The following FKBP5 variants were observed in gnomAD, a reference collection of about 807,000 sequenced individuals.
The protein encoded by FKBP5 is FKBP prolyl isomerase 5, also known as peptidyl-prolyl cis-trans isomerase FKBP5.
In FKBP5, 23 loss-of-function variants were observed where a neutral mutation model predicts 50.5. The ratio of observed to expected loss-of-function variants is 0.46; its 90% CI spans 0.33 to 0.65. FKBP5 has a LOEUF of 0.65. Ranked by LOEUF, FKBP5 falls within the 30% of genes least tolerant of loss-of-function variation. The pLI is 0.02. For missense variants in FKBP5, 411 were observed against 553.1 expected (o/e 0.74, Z 2.58); for synonymous variants, 176 against 190.6 (o/e 0.92, Z 0.63).
At chr6:35,593,087 G>A (rs1016750008) in intron 6 of FKBP5, among the ~76,000 whole-genome samples, 11 of 152,196 alleles carry the variant, frequency 7.2e-5, no homozygotes, top group Non-Finnish European at 1.3e-4. Context: ...TGCAGAGGTG[G>A]AAGCCCACGC....
intron 2 of FKBP5, among the ~76,000 whole-genome samples, chr6:35,700,015 C>A (rs1037726150): frequency 7.2e-5 from 11 of 151,916 alleles, no homozygotes; most frequent in African/African-American, 2.7e-4. Context: ...CCACTGCACT[C>A]CAGTCTGGGC....
chr6:35,597,199 C>T (rs1763004645), intron 6 of FKBP5, 49 bp downstream of exon 6: 1 of 1,596,388 alleles, frequency 6.3e-7, no homozygotes, highest in Non-Finnish European at 8.5e-7. Context: ...CAAGCATATC[C>T]CTGTCCTTTA....
At chr6:35,591,396 G>A (rs1762816015) in intron 6 of FKBP5, among the ~76,000 whole-genome samples, 176 bp from the exon 7 acceptor site, 1 of 152,176 alleles carries the variant, frequency 6.6e-6, no homozygotes. Context: ...CACTGCTACA[G>A]TTTTCTTAGA....
At chr6:35,646,548 C>T (rs1764635960) in intron 1 of FKBP5, among the ~76,000 whole-genome samples, 1 of 152,124 alleles carries the variant, frequency 6.6e-6, no homozygotes, top group African/African-American at 2.4e-5. Flanking sequence ...AAAACTTTTT[C>T]CTTGATTGAA....
intron 9 of FKBP5, among the ~76,000 whole-genome samples, chr6:35,579,261 C>T (rs2150950704): frequency 6.6e-6 from 1 of 152,244 alleles, no homozygotes; most frequent in South Asian, 2.1e-4. Context: ...ATAGGAAACA[C>T]TGATCCACAA....
rs557934508 is a variant in FKBP5 at position 35,581,365 on chromosome 6, G to T, written c.841-1144C>A. 1.8e-5 allele frequency: 5 copies of T among 281,360 alleles called. No individual in the cohort carries two copies. In the South Asian group the frequency reaches 5.4e-4, roughly 30 times the overall value. The allele number at this position is 281,360 out of a possible 1,614,324, so 17.4% of individuals were successfully genotyped here. A position where few individuals can be genotyped will look rare whatever the true frequency, so the allele number is the denominator to read the frequency against. Reference sequence around the variant, plus strand: ...CTCATACCTGTAATCCCAGCACTTTGGAGGCCGAGACAGGTGGATCACCTG... The same window carrying T: ...CTCATACCTGTAATCCCAGCACTTTTGAGGCCGAGACAGGTGGATCACCTG... On this transcript the variant is annotated intron_variant, in intron 8 of 10. Transcript: ENST00000357266.
intron 1 of FKBP5, among the ~76,000 whole-genome samples, chr6:35,662,499 T>G (rs1044667791): frequency 5.9e-5 from 9 of 151,642 alleles, no homozygotes; most frequent in African/African-American, 2.2e-4. Context: ...GCCCAGGCTG[T>G]TCTTGAACTC....
chr6:35,575,604 C>G lies in FKBP5; in HGVS notation c.*231G>C. Reference sequence around the variant, plus strand: ...AGCTGCTGGCTCACTCCCTCCACACCACAGTCATTTCTGTTTGTTCCACCT... The same window carrying G: ...AGCTGCTGGCTCACTCCCTCCACACGACAGTCATTTCTGTTTGTTCCACCT... On this transcript the variant is annotated 3_prime_UTR_variant, in exon 11 of 11. Transcript: ENST00000357266. 1 of 517,544 alleles carries G rather than the reference C, an allele frequency of 1.9e-6. No individual in the cohort carries two copies. The allele number at this position is 517,544 out of a possible 1,614,324, so 32.1% of individuals were successfully genotyped here. A position where few individuals can be genotyped will look rare whatever the true frequency, so the allele number is the denominator to read the frequency against.
chr6:35,593,657 C>A lies in FKBP5; in HGVS notation c.666-2437G>T, dbSNP rs148915836. The stretch of plus-strand genomic sequence containing the variant: ...GCAACCTCCGCCTCCTGGGTTCAAG[C>A]GATTCTCCTGCCTCAGCCTCCCGAG... On this transcript the variant is annotated intron_variant, in intron 6 of 10. Transcript: ENST00000357266. 7.4e-3 allele frequency among the ~76,000 whole-genome samples: 1,133 copies of A among 152,192 alleles called. 12 individuals carry two copies. Among genetic ancestry groups the A allele is most frequent in the African/African-American group, 0.023 (972 of 41,508 alleles).
chr6:35,577,259 G>C (rs371249911), intron 9 of FKBP5, 26 bp from the exon 10 acceptor site: 1 of 1,521,292 alleles, frequency 6.6e-7, no homozygotes, highest in Non-Finnish European at 8.8e-7. Flanking sequence ...CTATATTTTA[G>C]AAAGGACGAA....
Position 35,677,642 on chromosome 6 carries a change from G to A in FKBP5, c.-20+11162C>T, listed in dbSNP as rs548475507. Among the ~76,000 whole-genome samples, 4 of 152,238 alleles carry A rather than the reference G, an allele frequency of 2.6e-5. No homozygotes were observed. In the South Asian group the frequency reaches 8.3e-4, roughly 32 times the overall value. ...TGCTCAAACTCCTTGAAAAATCATGGGCACTGCCAGCCACCACTATTCACC... is the reference window on the plus strand; with the variant it reads ...TGCTCAAACTCCTTGAAAAATCATGAGCACTGCCAGCCACCACTATTCACC... On this transcript the variant is annotated intron_variant, in intron 1 of 10. Transcript: ENST00000357266.
chr6:35,703,202 A>G (rs111424494), intron 2 of FKBP5, among the ~76,000 whole-genome samples: 71 of 152,154 alleles, frequency 4.7e-4, no homozygotes, highest in African/African-American at 1.6e-3. Flanking sequence ...ATGAGCCGAG[A>G]TCATGCCACT....
intron 1 of FKBP5, among the ~76,000 whole-genome samples, chr6:35,726,891 G>A (rs1766724622): frequency 6.6e-6 from 1 of 152,182 alleles, no homozygotes; most frequent in Admixed American, 6.5e-5. Flanking sequence ...AGCAGACTTT[G>A]TTTCTGCCTC....
chr6:35,601,588 A>T (rs946882545), intron 5 of FKBP5, among the ~76,000 whole-genome samples: 3 of 152,204 alleles, frequency 2.0e-5, no homozygotes, highest in African/African-American at 7.2e-5. Flanking sequence ...AAAACAAAAC[A>T]GAACAAAAAC....
chr6:35,575,090 C>T lies in FKBP5; in HGVS notation c.*745G>A, dbSNP rs556188183. 2 of 152,274 alleles carry T rather than the reference C, an allele frequency of 1.3e-5. No homozygotes were observed. The highest frequency in any genetic ancestry group is 4.8e-5 in the African/African-American group (2 of 41,562). 9.4% of individuals were successfully genotyped at this position (152,274 alleles called of 1,614,324 possible). On this transcript the variant is annotated 3_prime_UTR_variant, in exon 11 of 11. Transcript: ENST00000357266. Reference sequence around the variant, plus strand: ...TTCATCGAAAATAGGAAAAGCTAATCCAGAAACTCTCATCTGCTCATTATC... The same window carrying T: ...TTCATCGAAAATAGGAAAAGCTAATTCAGAAACTCTCATCTGCTCATTATC...
intron 1 of FKBP5, among the ~76,000 whole-genome samples, chr6:35,722,097 C>A (rs1310399850): frequency 6.6e-6 from 1 of 152,172 alleles, no homozygotes; most frequent in Non-Finnish European, 1.5e-5. Context: ...AGCAGACCCC[C>A]CATCACACTC....
chr6:35,662,914 C>G (rs1765111584), intron 1 of FKBP5, among the ~76,000 whole-genome samples: 1 of 151,968 alleles, frequency 6.6e-6, no homozygotes, highest in South Asian at 2.1e-4. Context: ...TTTGTGAAGG[C>G]AAAGAAACAT....
At chr6:35,718,372 C>T (rs1282381898) in intron 2 of FKBP5, among the ~76,000 whole-genome samples, 1 of 152,190 alleles carries the variant, frequency 6.6e-6, no homozygotes, top group Non-Finnish European at 1.5e-5. Flanking sequence ...AAATGAGGTC[C>T]TCTTACTCCA....
At chr6:35,697,103 A>G (rs1424639575) in intron 2 of FKBP5, among the ~76,000 whole-genome samples, 1 of 152,256 alleles carries the variant, frequency 6.6e-6, no homozygotes. Context: ...AAGAATTAAA[A>G]GCAGGAACTC....
Sources: allele counts gnomAD v4.1 joint callset (sites outside exome capture counted in the v4.1 genomes callset), GRCh38; gene constraint gnomAD v4.1.1; transcripts MANE v1.5; gene names NCBI Gene and HGNC (gene_info 2026-07-23, HGNC 2026-07-21).